NOTCH2: variants seen among roughly 807,000 people sequenced by gnomAD.
The protein encoded by NOTCH2 is neurogenic locus notch homolog protein 2.
A neutral mutation model predicts 235.8 loss-of-function variants in NOTCH2; 29 were observed. The observed-to-expected ratio is 0.12, with a 90% CI of 0.09 to 0.17. NOTCH2 has a LOEUF of 0.17. NOTCH2 is among the 10% of genes least tolerant of loss of function. The pLI is 1.00. For synonymous variants in NOTCH2, 1,086 were observed against 1,141.5 expected (o/e 0.95, Z 0.98); for missense variants, 2,285 against 3,150.2 (o/e 0.73, Z 6.57).
At chr1:119,981,943 T>TA (rs377566149) in intron 5 of NOTCH2, among the ~76,000 whole-genome samples, 172 of 141,528 alleles carry the variant, frequency 1.2e-3, no homozygotes, top group African/African-American at 2.2e-3. Flanking sequence ...CCTATAGTCC[T>TA]AAAAAAAAAA....
chr1:119,933,252 G>C (rs1034913083), intron 22 of NOTCH2, among the ~76,000 whole-genome samples: 29 of 152,160 alleles, frequency 1.9e-4, no homozygotes, highest in African/African-American at 7.0e-4. Context: ...AAACTGGTGG[G>C]ACATGCAGGC....
chr1:119,980,848 C>T (rs782798444), intron 5 of NOTCH2, among the ~76,000 whole-genome samples: 6 of 152,154 alleles, frequency 3.9e-5, no homozygotes, highest in Non-Finnish European at 5.9e-5. Context: ...TCAGGGCAAG[C>T]TTCTAAGGCT....
At chr1:120,014,364 A>G in intron 2 of NOTCH2, among the ~76,000 whole-genome samples, 2 of 152,274 alleles carry the variant, frequency 1.3e-5, no homozygotes, top group South Asian at 2.1e-4. Flanking sequence ...GAAGTTCGAG[A>G]CCTGCCTAGA....
intron 4 of NOTCH2, chr1:119,996,690 A>G (rs781975795): frequency 9.0e-6 from 10 of 1,114,648 alleles, no homozygotes; most frequent in East Asian, 7.0e-5. Context: ...GTTCTTTTCC[A>G]TTCCAGACTT....
At chr1:119,932,252 T>C (rs1394236218) in intron 22 of NOTCH2, among the ~76,000 whole-genome samples, 1 of 152,106 alleles carries the variant, frequency 6.6e-6, no homozygotes, top group Non-Finnish European at 1.5e-5. Context: ...GGTTAAAATA[T>C]GGTATGCCTG....
chr1:119,935,547 G>T lies in NOTCH2; in HGVS notation c.3580C>A (p.Gln1194Lys). 1 of 1,614,188 alleles carries T rather than the reference G, an allele frequency of 6.2e-7. No individual in the cohort carries two copies. The highest frequency in any genetic ancestry group is 1.3e-5 in the African/African-American group (1 of 75,048). Reference protein sequence around the residue: ...CEYEVDECQNQPCQNGGTCID... With the variant: ...CEYEVDECQNKPCQNGGTCID... Reference sequence around the variant, plus strand: ...CAGGTGCCTCCATTCTGGCAGGGCTGATTCTGGCACTCATCCACTTCATAC... The same window carrying T: ...CAGGTGCCTCCATTCTGGCAGGGCTTATTCTGGCACTCATCCACTTCATAC... Residue 1194 changes from glutamine (Q) to lysine (K), a missense_variant, in exon 22 of 34, where the codon CAG becomes AAG. By Grantham distance (53) the Gln-to-Lys change is moderately conservative. Transcript: ENST00000256646.
Position 119,940,284 on chromosome 1 carries a change from A to C in NOTCH2, c.3183+271T>G, listed in dbSNP as rs4274109. On this transcript the variant is annotated intron_variant, in intron 19 of 33. Transcript: ENST00000256646. ...GTAAAAAACAAAAAAACAAAAAACAAAAAACAAAAATCTGTGTTTATTTCC... is the reference window on the plus strand; with the variant it reads ...GTAAAAAACAAAAAAACAAAAAACACAAAACAAAAATCTGTGTTTATTTCC... Among the ~76,000 whole-genome samples, 148,956 of 152,294 alleles carry C rather than the reference A, an allele frequency of 0.98. 72,928 individuals carry two copies. The highest frequency in any genetic ancestry group is 1 in the East Asian group (5,175 of 5,176).
chr1:119,980,005 C>T (rs55884708), intron 5 of NOTCH2, among the ~76,000 whole-genome samples: 5 of 152,176 alleles, frequency 3.3e-5, no homozygotes, highest in African/African-American at 1.2e-4. Flanking sequence ...CCAATTTCCT[C>T]TTCCTAGAAT....
rs782024051 is a variant in NOTCH2 at position 119,937,312 on chromosome 1, G to A, written c.3492C>T (p.Cys1164=). 3 of 1,613,756 alleles carry A rather than the reference G, an allele frequency of 1.9e-6. No individual in the cohort carries two copies. The Admixed American group carries it at 5.0e-5, about 27-fold the overall frequency. The change falls in exon 21 of 34, where the codon TGC becomes TGT. Residue 1164 remains cysteine (C), a synonymous_variant. Coordinates refer to ENST00000256646, the MANE Select transcript of NOTCH2 (RefSeq NM_024408.4). ...ATCTGTATCCACCAATGAAGTCACT[G>A]CATGTTGCCCCGTGCTGGCAGGGGT... ...ASNPCQHGAT[C]SDFIGGYRCE...
chr1:119,948,167 T>C (rs587766209), intron 17 of NOTCH2, among the ~76,000 whole-genome samples: 3 of 152,370 alleles, frequency 2.0e-5, no homozygotes, highest in South Asian at 2.1e-4. Context: ...AACACTATCA[T>C]AGCATTGTCC....
rs1553199295 is a variant in NOTCH2 at position 119,963,630 on chromosome 1, C to A, written c.1859G>T (p.Gly620Val). Residue 620 changes from glycine (G) to valine (V), a missense_variant, in exon 11 of 34, where the codon GGT becomes GTT. Physicochemically the swap from Gly to Val is moderately radical, Grantham distance 109. Transcript: ENST00000256646. ...GCCATTGACCAGGTCAATGCAGCGA[C>A]CATCGTTCAGGCAAGGGCTGCTGTA... ...ECYSSPCLNDGRCIDLVNGYQ... is the reference protein window; with the variant it reads ...ECYSSPCLNDVRCIDLVNGYQ... The A allele has an allele frequency of 6.2e-7, 1 of 1,614,164 alleles. No homozygotes were observed. Among genetic ancestry groups the A allele is most frequent in the Non-Finnish European group, 8.5e-7 (1 of 1,180,002 alleles).
chr1:119,981,810 C>T (rs1310010651), intron 5 of NOTCH2, among the ~76,000 whole-genome samples: 1 of 152,096 alleles, frequency 6.6e-6, no homozygotes, highest in Non-Finnish European at 1.5e-5. Flanking sequence ...ATCAGGCTTA[C>T]AGCAGAAAAA....
In NOTCH2 at chr1:119,948,466, T is replaced by G. The variant is rs782331557; in HGVS notation, c.2700A>C (p.Pro900=). The part of the protein sequence containing the change: ...NTQGSYMCEC[P]PGFSGMDCEE... ...CACAGTCCATACCACTGAAGCCTGG[T>G]GGACATTCACACATGTAGCTGCCCT... is the stretch of plus-strand genomic sequence containing the variant. The change falls in exon 17 of 34, where the codon CCA becomes CCC. Residue 900 remains proline (P), a synonymous_variant. Coordinates refer to ENST00000256646, the MANE Select transcript of NOTCH2 (RefSeq NM_024408.4). 6.2e-7 allele frequency: 1 copy of G among 1,614,210 alleles called. No homozygotes were observed. The highest frequency in any genetic ancestry group is 8.5e-7 in the Non-Finnish European group (1 of 1,180,028).
chr1:120,009,583 G>A (rs1241107951), intron 2 of NOTCH2, among the ~76,000 whole-genome samples: 7 of 151,976 alleles, frequency 4.6e-5, no homozygotes, highest in Non-Finnish European at 1.0e-4. Flanking sequence ...TTATCCCTCC[G>A]CAACAAAACT....
Position 119,912,562 on chromosome 1 carries a change from A to G in NOTCH2, c.*2744T>C, listed in dbSNP as rs940251593. ...CACATAAGAAAATGATGCTTAAAAC[A>G]AAACAGAGGAAGCAAATAAACAAAC... is the stretch of plus-strand genomic sequence containing the variant. On this transcript the variant is annotated 3_prime_UTR_variant, in exon 34 of 34. Coordinates refer to ENST00000256646, the MANE Select transcript of NOTCH2 (RefSeq NM_024408.4). 14 of 233,180 alleles carry G rather than the reference A, an allele frequency of 6.0e-5. No individual in the cohort carries two copies. The highest frequency in any genetic ancestry group is 1.1e-4 in the Admixed American group (2 of 17,798). 14.4% of individuals were successfully genotyped at this position (233,180 alleles called of 1,614,324 possible). A position where few individuals can be genotyped will look rare whatever the true frequency, so the allele number is the denominator to read the frequency against.
intron 1 of NOTCH2, among the ~76,000 whole-genome samples, chr1:120,060,484 C>T (rs1378173175): frequency 6.7e-6 from 1 of 149,152 alleles, no homozygotes; most frequent in African/African-American, 2.5e-5. Context: ...AATAAATCAA[C>T]AGCTTTTCTA....
chr1:119,941,018 C>T (rs1413895332), intron 18 of NOTCH2, among the ~76,000 whole-genome samples: 1 of 152,186 alleles, frequency 6.6e-6, no homozygotes, highest in Admixed American at 6.5e-5. Context: ...AGGTTTTACC[C>T]AGTCCTTCTG....
chr1:120,068,100 G>C (rs2746696), intron 1 of NOTCH2, among the ~76,000 whole-genome samples: 4,737 of 125,928 alleles, frequency 0.038, no homozygotes, highest in African/African-American at 0.098. Context: ...AGAAGGGGCT[G>C]CTTTCCGTTC....
rs1207221761 is a variant in NOTCH2 at position 119,922,582 on chromosome 1, C to T, written c.5002+54G>A. Reference sequence around the variant, plus strand: ...AGGGCTACATAATGAAAATTGTTCCCCCAATTGACACTCTTCCCCCGCCAC... The same window carrying T: ...AGGGCTACATAATGAAAATTGTTCCTCCAATTGACACTCTTCCCCCGCCAC... On this transcript the variant is annotated intron_variant, in intron 27 of 33. Coordinates refer to ENST00000256646, the MANE Select transcript of NOTCH2 (RefSeq NM_024408.4). The T allele has an allele frequency of 3.7e-6, 6 of 1,612,026 alleles. No individual in the cohort carries two copies. The Admixed American group carries it at 1.0e-4, about 27-fold the overall frequency.
Sources: allele counts gnomAD v4.1 joint callset (sites outside exome capture counted in the v4.1 genomes callset), GRCh38; gene constraint gnomAD v4.1.1; transcripts MANE v1.5; gene names NCBI Gene and HGNC (gene_info 2026-07-23, HGNC 2026-07-21).